The following AIDA variants were observed in gnomAD, a reference collection of about 807,000 sequenced individuals.
The protein encoded by AIDA is axin interactor, dorsalization-associated protein.
A neutral mutation model predicts 42.7 loss-of-function variants in AIDA; 18 were observed. The ratio of observed to expected loss-of-function variants is 0.42; its 90% confidence interval spans 0.29 to 0.63. The LOEUF (loss-of-function observed/expected upper bound fraction) is 0.63. Among genes scored for constraint, AIDA ranks in the 20% least tolerant of loss-of-function variants. The pLI is 0.19. For missense variants in AIDA, 250 were observed against 354.1 expected, an observed-to-expected ratio of 0.71 and a Z score of 2.36; for synonymous variants, 104 against 122.9, an observed-to-expected ratio of 0.85 and a Z score of 1.02.
At chr1:222,698,448 ATTT>A (rs36041357) in intron 2 of AIDA, among the ~76,000 whole-genome samples, 14 of 127,362 alleles carry the variant, frequency 1.1e-4, no homozygotes, top group Non-Finnish European at 8.4e-5. Flanking sequence ...TTATTCATCA[ATTT>A]TTTTTTTTTT....
At chr1:222,706,259 G>A (rs1017434726) in intron 1 of AIDA, among the ~76,000 whole-genome samples, 2 of 152,120 alleles carry the variant, frequency 1.3e-5, no homozygotes, top group Non-Finnish European at 2.9e-5. Context: ...AGAATTATTT[G>A]GCAGTTTCTT....
intron 4 of AIDA, among the ~76,000 whole-genome samples, chr1:222,691,576 G>A (rs993072579): frequency 2.0e-5 from 3 of 151,432 alleles, no homozygotes; most frequent in Non-Finnish European, 4.4e-5. Flanking sequence ...TCACTAAAAA[G>A]CACTATTTTT....
chr1:222,702,967 T>C (rs1348460422), intron 2 of AIDA, among the ~76,000 whole-genome samples, 181 bp downstream of exon 2: 1 of 152,236 alleles, frequency 6.6e-6, no homozygotes, highest in Non-Finnish European at 1.5e-5. Context: ...AATTGATAAG[T>C]CATATGGTAT....
rs754513610 is a variant in AIDA at position 222,687,648 on chromosome 1, A to G, written c.300T>C (p.Asn100=). The G allele has an allele frequency of 3.0e-5, 44 of 1,488,056 alleles. No homozygotes were observed. The highest frequency in any genetic ancestry group is 3.7e-5 in the Non-Finnish European group (41 of 1,096,248). The allele number at this position is 1,488,056 out of a possible 1,614,324, so 92.2% of individuals were successfully genotyped here. Residue 100 remains asparagine, a synonymous_variant, in exon 5 of 10, where the codon AAT becomes AAC. Coordinates refer to ENST00000340020, the MANE Select transcript of AIDA (RefSeq NM_022831.4). ...GGAATTCTTTATTATATGTAAGAAT[A>G]TTCTTTAGGACTAGAATAAGAAGAT... is the stretch of plus-strand genomic sequence containing the variant. ...DLKKLEPILK[N]ILTYNKEFPF...
chr1:222,711,918 A>T (rs1443502765), intron 1 of AIDA: 1 of 366,424 alleles, frequency 2.7e-6, no homozygotes, highest in Non-Finnish European at 5.0e-6. Context: ...AAAGGAACTA[A>T]GCAGATAGCC....
chr1:222,670,449 T>C (rs755577043), intron 8 of AIDA, among the ~76,000 whole-genome samples, 199 bp from the exon 9 acceptor site: 1 of 152,186 alleles, frequency 6.6e-6, no homozygotes, highest in Non-Finnish European at 1.5e-5. Flanking sequence ...TAGAGTGACA[T>C]TTCTCCTTAT....
intron 4 of AIDA, among the ~76,000 whole-genome samples, chr1:222,688,578 T>A (rs1382019155): frequency 1.3e-5 from 2 of 152,006 alleles, no homozygotes; most frequent in Admixed American, 6.6e-5. Context: ...AGAGTGTACT[T>A]CTTCTACTTA....
chr1:222,712,400 G>A lies in AIDA; in HGVS notation c.-83C>T, dbSNP rs1656110617. On this transcript the variant is annotated 5_prime_UTR_variant, in exon 1 of 10. Transcript: ENST00000340020. ...CGCCATCCTCCCCCGGCCTGGCCCC[G>A]ACATTAACAGGGCCAGGAGGAACCG... 7.4e-7 allele frequency: 1 copy of A among 1,348,546 alleles called. No homozygotes were observed. The highest frequency in any genetic ancestry group is 9.6e-7 in the Non-Finnish European group (1 of 1,037,868). 83.5% of individuals were successfully genotyped at this position (1,348,546 alleles called of 1,614,324 possible). A position where few individuals can be genotyped will look rare whatever the true frequency, so the allele number is the denominator to read the frequency against.
chr1:222,673,163 T>A, intron 8 of AIDA, 150 bp downstream of exon 8: 1 of 659,722 alleles, frequency 1.5e-6, no homozygotes, highest in Non-Finnish European at 2.3e-6. Context: ...TTCTACATTT[T>A]AAAAATATGT....
chr1:222,670,284 A>G (rs765737184), intron 8 of AIDA, 34 bp from the exon 9 acceptor site: 5 of 1,527,696 alleles, frequency 3.3e-6, no homozygotes, highest in East Asian at 4.5e-5. Context: ...TAAACCACAG[A>G]TAGCACATTT....
At chr1:222,683,042 G>A (rs574553626) in intron 6 of AIDA, among the ~76,000 whole-genome samples, 1 of 152,238 alleles carries the variant, frequency 6.6e-6, no homozygotes, top group South Asian at 2.1e-4. Context: ...AGCAGTTGAG[G>A]AACATGGGTT....
intron 3 of AIDA, 122 bp downstream of exon 3, chr1:222,694,088 A>G: frequency 1.1e-6 from 1 of 928,746 alleles, no homozygotes; most frequent in South Asian, 1.8e-5. Context: ...TATGAATTTA[A>G]TAGATGTTGT....
At chr1:222,708,393 A>C (rs545882750) in intron 1 of AIDA, among the ~76,000 whole-genome samples, 15 of 151,212 alleles carry the variant, frequency 9.9e-5, no homozygotes, top group African/African-American at 3.6e-4. Context: ...TTTTAAGACG[A>C]GTCTCACTCC....
intron 7 of AIDA, 87 bp downstream of exon 7, chr1:222,676,009 G>T: frequency 7.1e-7 from 1 of 1,415,436 alleles, no homozygotes; most frequent in Non-Finnish European, 9.3e-7. Context: ...AAGACTCCCC[G>T]CCCCACCACC....
At chr1:222,708,920 T>C (rs1267497024) in intron 1 of AIDA, among the ~76,000 whole-genome samples, 1 of 152,178 alleles carries the variant, frequency 6.6e-6, no homozygotes, top group Non-Finnish European at 1.5e-5. Context: ...TCCCATAGCA[T>C]ACTCCTAAAT....
chr1:222,699,972 G>A (rs1341964823), intron 2 of AIDA, among the ~76,000 whole-genome samples: 2 of 151,610 alleles, frequency 1.3e-5, no homozygotes, highest in Non-Finnish European at 2.9e-5. Flanking sequence ...GGGTTTCACC[G>A]TGAATTCGAT....
At chr1:222,705,362 C>T (rs1655810771) in intron 1 of AIDA, among the ~76,000 whole-genome samples, 1 of 152,120 alleles carries the variant, frequency 6.6e-6, no homozygotes, top group Admixed American at 6.5e-5. Context: ...GGAGTACTCC[C>T]GAGTAATCTA....
intron 4 of AIDA, among the ~76,000 whole-genome samples, chr1:222,689,479 GTGTATATA>G (rs1366148481): frequency 0.031 from 1,411 of 45,192 alleles, 37 homozygotes; most frequent in African/African-American, 0.1. Context: ...ATGTGTGTGT[GTGTATATA>G]TATATATATA....
intron 6 of AIDA, among the ~76,000 whole-genome samples, chr1:222,685,882 G>T (rs573574967): frequency 6.6e-6 from 1 of 152,208 alleles, no homozygotes; most frequent in Non-Finnish European, 1.5e-5. Flanking sequence ...ACTTATGGCC[G>T]GGCGCAATGG....
Sources: gnomAD v4.1 joint callset for allele counts (sites outside exome capture counted in the v4.1 genomes callset) on GRCh38, gnomAD v4.1.1 for gene constraint, MANE v1.5 for transcripts, NCBI Gene and HGNC (gene_info 2026-07-23, HGNC 2026-07-21) for gene names.